Variants in MACROD2 observed in about 807,000 individuals in gnomAD.
MACROD2 encodes the protein mono-ADP ribosylhydrolase 2, also known as ADP-ribose glycohydrolase MACROD2.
A neutral mutation model predicts 70.4 loss-of-function variants in MACROD2; 36 were observed. The ratio of observed to expected loss-of-function variants is 0.51; its 90% CI spans 0.39 to 0.68. The LOEUF (loss-of-function observed/expected upper bound fraction) is 0.68. MACROD2 is among the 30% of genes least tolerant of loss of function. The pLI, the probability that MACROD2 is intolerant of heterozygous loss-of-function variation, is 0.00. For synonymous variants in MACROD2, 172 were observed against 178.8 expected (o/e 0.96, Z 0.30); for missense variants, 496 against 538.4 (o/e 0.92, Z 0.78).
intron 4 of MACROD2, among the ~76,000 whole-genome samples, chr20:14,572,754 G>C (rs1980281803): frequency 6.6e-6 from 1 of 151,826 alleles, no homozygotes. Context: ...GTGATTTTCT[G>C]GGTTTTGATG....
intron 5 of MACROD2, among the ~76,000 whole-genome samples, chr20:14,720,569 T>TTTTTTTTTTTTTTTGTTTTTG (rs531072431): frequency 1.2e-5 from 1 of 84,164 alleles, no homozygotes; most frequent in African/African-American, 4.7e-5. Context: ...TTTTTTTTTT[T>TTTTTTTTTTTTTTTGTTTTTG]TGTGAGGCAG....
At chr20:15,210,190 G>C (rs1012449363) in intron 5 of MACROD2, among the ~76,000 whole-genome samples, 15 of 152,196 alleles carry the variant, frequency 9.9e-5, no homozygotes, top group Non-Finnish European at 1.9e-4. Flanking sequence ...GTGGCTCTCA[G>C]TCCTTAGATT....
chr20:14,400,439 C>A (rs2083625886), intron 3 of MACROD2, among the ~76,000 whole-genome samples: 1 of 152,164 alleles, frequency 6.6e-6, no homozygotes, highest in African/African-American at 2.4e-5. Flanking sequence ...GTAGTTTTAT[C>A]ATATGCATGT....
chr20:15,933,245 C>A (rs750331452), intron 10 of MACROD2, 31 bp from the exon 11 acceptor site: 3 of 1,604,160 alleles, frequency 1.9e-6, no homozygotes, highest in Non-Finnish European at 2.6e-6. Context: ...TGACTTGATG[C>A]ATTTTTTTTC....
chr20:15,579,852 C>G (rs2146644144), intron 8 of MACROD2, among the ~76,000 whole-genome samples: 1 of 152,284 alleles, frequency 6.6e-6, no homozygotes, highest in South Asian at 2.1e-4. Context: ...CTCTCTTTTG[C>G]TGTCACAGCA....
intron 3 of MACROD2, among the ~76,000 whole-genome samples, chr20:14,400,952 T>G (rs1021804198): frequency 6.6e-6 from 1 of 152,216 alleles, no homozygotes; most frequent in Admixed American, 6.5e-5. Context: ...TAATGCCATA[T>G]GATTTGCTAT....
chr20:14,784,843 G>A (rs139928250), intron 5 of MACROD2, among the ~76,000 whole-genome samples: 62 of 152,076 alleles, frequency 4.1e-4, no homozygotes, highest in African/African-American at 1.1e-3. Flanking sequence ...GCCTCTCTTA[G>A]TTATAATTTT....
intron 5 of MACROD2, among the ~76,000 whole-genome samples, chr20:15,150,092 C>T (rs1169362027): frequency 1.3e-5 from 2 of 151,926 alleles, no homozygotes. Flanking sequence ...ACACTATCGG[C>T]AGGGAGAGCA....
intron 8 of MACROD2, among the ~76,000 whole-genome samples, chr20:15,819,631 C>G (rs911108437): frequency 6.6e-6 from 1 of 151,252 alleles, no homozygotes; most frequent in South Asian, 2.1e-4. Context: ...AATAGATGGG[C>G]ATGAAGGACA....
intron 3 of MACROD2, among the ~76,000 whole-genome samples, chr20:14,371,891 C>T (rs2047375108): frequency 6.6e-6 from 1 of 151,878 alleles, no homozygotes; most frequent in Admixed American, 6.6e-5. Context: ...GCATCAATTA[C>T]TCGAGGGCCT....
chr20:14,891,989 C>T (rs2073766852), intron 5 of MACROD2, among the ~76,000 whole-genome samples: 1 of 142,644 alleles, frequency 7.0e-6, no homozygotes, highest in Admixed American at 6.9e-5. Flanking sequence ...TTTGACTATT[C>T]AATGATTTTA....
At chr20:15,699,014 G>A (rs568790454) in intron 8 of MACROD2, among the ~76,000 whole-genome samples, 1 of 152,100 alleles carries the variant, frequency 6.6e-6, no homozygotes, top group South Asian at 2.1e-4. Context: ...TTTGCATTGG[G>A]CTACGCCTTT....
chr20:16,032,320 G>A (rs2067162057), intron 15 of MACROD2, among the ~76,000 whole-genome samples: 1 of 151,952 alleles, frequency 6.6e-6, no homozygotes, highest in Non-Finnish European at 1.5e-5. Flanking sequence ...CAGGGTGACA[G>A]GATCCGTACT....
At chr20:15,192,443 T>G (rs2076578416) in intron 5 of MACROD2, among the ~76,000 whole-genome samples, 1 of 152,128 alleles carries the variant, frequency 6.6e-6, no homozygotes, top group Non-Finnish European at 1.5e-5. Flanking sequence ...ACTGTGAGAG[T>G]GATGTAGACC....
At chr20:14,789,151 C>G (rs916898821) in intron 5 of MACROD2, among the ~76,000 whole-genome samples, 4 of 151,770 alleles carry the variant, frequency 2.6e-5, no homozygotes, top group Admixed American at 1.3e-4. Context: ...ATATACTATT[C>G]TAATTCATCC....
intron 3 of MACROD2, among the ~76,000 whole-genome samples, chr20:14,416,634 T>C (rs1464298155): frequency 6.6e-6 from 1 of 152,208 alleles, no homozygotes; most frequent in Non-Finnish European, 1.5e-5. Context: ...AGCATCCTGT[T>C]ATAAGCACGT....
At chr20:15,423,682 AG>A (rs368102777) in intron 6 of MACROD2, among the ~76,000 whole-genome samples, 61 of 152,216 alleles carry the variant, frequency 4.0e-4, no homozygotes, top group African/African-American at 1.4e-3. Flanking sequence ...CCCATTCATG[AG>A]GGAAGGGCTC....
At chr20:14,074,420 G>C (rs2053890684) in intron 2 of MACROD2, among the ~76,000 whole-genome samples, 1 of 152,136 alleles carries the variant, frequency 6.6e-6, no homozygotes, top group Non-Finnish European at 1.5e-5. Context: ...CTGACTGATT[G>C]ATCTGGGATC....
intron 5 of MACROD2, among the ~76,000 whole-genome samples, chr20:14,862,007 A>ATGTCTATT (rs1568838656): frequency 2.2e-4 from 5 of 23,102 alleles, no homozygotes; most frequent in African/African-American, 7.2e-4. Flanking sequence ...ATATATATTT[A>ATGTCTATT]TATATATATA....
Sources: allele counts gnomAD v4.1 joint callset (sites outside exome capture counted in the v4.1 genomes callset), GRCh38; gene constraint gnomAD v4.1.1; transcripts MANE v1.5; gene names NCBI Gene and HGNC (gene_info 2026-07-23, HGNC 2026-07-21).